The following OLFM2 variants were observed in gnomAD, a reference collection of about 807,000 sequenced individuals.
The protein encoded by OLFM2 is noelin-2.
OLFM2 carries 20 observed loss-of-function variants against 43.9 expected under a neutral mutation model. The ratio of observed to expected loss-of-function variants is 0.46; its 90% CI spans 0.32 to 0.66. OLFM2 has a LOEUF of 0.66. OLFM2 is among the 30% of genes least tolerant of loss of function. OLFM2 has a pLI of 0.04. For synonymous variants in OLFM2, 268 were observed against 278.6 expected (o/e 0.96, Z 0.38); for missense variants, 416 against 643.6 (o/e 0.65, Z 3.83).
chr19:9,888,467 T>G (rs1328330496), intron 1 of OLFM2, among the ~76,000 whole-genome samples: 1 of 146,516 alleles, frequency 6.8e-6, no homozygotes, highest in Non-Finnish European at 1.5e-5. Context: ...GAGGTTGCGG[T>G]GAGCTGAGAT....
intron 1 of OLFM2, among the ~76,000 whole-genome samples, chr19:9,918,733 A>G (rs1184634038): frequency 6.6e-6 from 1 of 152,246 alleles, no homozygotes; most frequent in Non-Finnish European, 1.5e-5. Context: ...TGATCCTCAA[A>G]AACATTTTGC....
chr19:9,918,357 A>AT (rs1249839258), intron 1 of OLFM2, among the ~76,000 whole-genome samples: 2 of 151,716 alleles, frequency 1.3e-5, no homozygotes, highest in East Asian at 1.9e-4. Flanking sequence ...TGCCCAGCTA[A>AT]TTTTTTAAGT....
At chr19:9,929,396 C>A (rs1337267475) in intron 1 of OLFM2, among the ~76,000 whole-genome samples, 1 of 151,512 alleles carries the variant, frequency 6.6e-6, no homozygotes, top group Non-Finnish European at 1.5e-5. Context: ...AGTTTGAGAC[C>A]AGCCTGAACA....
At chr19:9,929,966 G>A (rs1234141772) in intron 1 of OLFM2, among the ~76,000 whole-genome samples, 5 of 152,126 alleles carry the variant, frequency 3.3e-5, no homozygotes, top group African/African-American at 1.2e-4. Flanking sequence ...TTGAACCCAG[G>A]AGGCAGAGGT....
chr19:9,918,172 C>A (rs975281393), intron 1 of OLFM2, among the ~76,000 whole-genome samples: 1 of 151,670 alleles, frequency 6.6e-6, no homozygotes, highest in Non-Finnish European at 1.5e-5. Context: ...AGCCACCATG[C>A]CTGGCCACTT....
chr19:9,860,068 G>A (rs1036680356), intron 2 of OLFM2, among the ~76,000 whole-genome samples: 1 of 152,076 alleles, frequency 6.6e-6, no homozygotes, highest in Non-Finnish European at 1.5e-5. Flanking sequence ...CTTGAACCTG[G>A]GAGGTGGAGG....
intron 1 of OLFM2, among the ~76,000 whole-genome samples, chr19:9,902,444 G>T (rs922720220): frequency 6.7e-6 from 1 of 148,552 alleles, no homozygotes; most frequent in Non-Finnish European, 1.5e-5. Flanking sequence ...GTGCAATGGC[G>T]TGATCTCGGC....
At chr19:9,932,073 A>G (rs1338363355) in intron 1 of OLFM2, among the ~76,000 whole-genome samples, 1 of 152,194 alleles carries the variant, frequency 6.6e-6, no homozygotes, top group African/African-American at 2.4e-5. Flanking sequence ...GAGAAACAAC[A>G]AAGCTAGCTG....
intron 1 of OLFM2, among the ~76,000 whole-genome samples, chr19:9,932,626 A>G (rs2086489809): frequency 6.6e-6 from 1 of 152,094 alleles, no homozygotes; most frequent in Non-Finnish European, 1.5e-5. Context: ...GAACAGTGTC[A>G]CAGGCAGAGG....
chr19:9,914,739 T>A (rs2046861451), intron 1 of OLFM2, among the ~76,000 whole-genome samples: 1 of 151,908 alleles, frequency 6.6e-6, no homozygotes, highest in South Asian at 2.1e-4. Context: ...CGCCCACGCA[T>A]CAGCCGGCGG....
At chr19:9,908,664 A>G (rs886234775) in intron 1 of OLFM2, among the ~76,000 whole-genome samples, 3 of 151,406 alleles carry the variant, frequency 2.0e-5, no homozygotes, top group Non-Finnish European at 4.4e-5. Context: ...TTTTTAGTAG[A>G]GACGGGGTTT....
Position 9,896,887 on chromosome 19 carries a change from T to C in OLFM2, c.64-36093A>G, listed in dbSNP as rs567759343. ...ATATAATTTCTCCCTTAAAAGCATA[T>C]AAGAAGTCCTCAAAAACACTTGTTG... On this transcript the variant is annotated intron_variant, in intron 1 of 5. Transcript: ENST00000264833. Among the ~76,000 whole-genome samples, 9 of 152,170 alleles carry C rather than the reference T, an allele frequency of 5.9e-5. No homozygotes were observed. The East Asian group carries it at 1.4e-3, about 23-fold the overall frequency.
At chr19:9,883,685 G>A (rs565199188) in intron 1 of OLFM2, among the ~76,000 whole-genome samples, 18 of 152,216 alleles carry the variant, frequency 1.2e-4, no homozygotes, top group Middle Eastern at 3.4e-3. Context: ...GGCTGAGCAC[G>A]CACTTCAGTA....
chr19:9,932,176 A>G (rs904140540), intron 1 of OLFM2, among the ~76,000 whole-genome samples: 2 of 151,108 alleles, frequency 1.3e-5, no homozygotes, highest in African/African-American at 2.4e-5. Context: ...AAAGAAAAAT[A>G]TGGCCGGGCG....
chr19:9,881,323 G>A (rs996875583), intron 1 of OLFM2, among the ~76,000 whole-genome samples: 1 of 152,106 alleles, frequency 6.6e-6, no homozygotes, highest in Non-Finnish European at 1.5e-5. Flanking sequence ...TTTTTCCTGG[G>A]ACCCTGCCCT....
chr19:9,879,661 G>A (rs1361610067), intron 1 of OLFM2, among the ~76,000 whole-genome samples: 1 of 148,214 alleles, frequency 6.7e-6, no homozygotes, highest in South Asian at 2.2e-4. Flanking sequence ...GTATGAGAAC[G>A]AACTAATACA....
intron 1 of OLFM2, among the ~76,000 whole-genome samples, chr19:9,898,485 G>A (rs2046705485): frequency 6.6e-6 from 1 of 151,424 alleles, no homozygotes. Context: ...TTGTGCCATT[G>A]CACTCCAGCC....
In OLFM2 at chr19:9,866,497, CTTTTT is replaced by C. The variant is rs35368530; in HGVS notation, c.64-5708_64-5704del. Among the ~76,000 whole-genome samples the C allele has an allele frequency of 2.2e-4, 28 of 125,586 alleles. 1 individual carries two copies. The highest frequency in any genetic ancestry group is 6.5e-5 in the Non-Finnish European group (4 of 61,314). 82.4% of individuals were successfully genotyped at this position (125,586 alleles called of 152,430 possible). On this transcript the variant is annotated intron_variant, in intron 1 of 5. Coordinates refer to ENST00000264833, the MANE Select transcript of OLFM2 (RefSeq NM_058164.4). The stretch of plus-strand genomic sequence containing the variant: ...CAGATGTACTAAAGAAGCCAACCCA[CTTTTT>C]TTTTTTTTTTTTTTTGAGACAGGGT...
chr19:9,921,615 A>G (rs577828307), intron 1 of OLFM2, among the ~76,000 whole-genome samples: 35 of 152,014 alleles, frequency 2.3e-4, no homozygotes, highest in African/African-American at 7.7e-4. Flanking sequence ...CGGCCTCCCA[A>G]GTAGCTGGGA....
Sources: allele counts gnomAD v4.1 joint callset (sites outside exome capture counted in the v4.1 genomes callset), GRCh38; gene constraint gnomAD v4.1.1; transcripts MANE v1.5; gene names NCBI Gene and HGNC (gene_info 2026-07-23, HGNC 2026-07-21).